The following CDH18 variants were observed in gnomAD, a reference collection of about 807,000 sequenced individuals.
CDH18 encodes the protein cadherin 18, also known as cadherin-18.
CDH18 carries 31 observed loss-of-function variants against 67.9 expected under a neutral mutation model. The ratio of observed to expected loss-of-function variants is 0.46; its 90% CI spans 0.34 to 0.62. The LOEUF (loss-of-function observed/expected upper bound fraction) is 0.62, where lower values mean the gene tolerates loss of function less well. CDH18 is among the 20% of genes least tolerant of loss of function. The pLI, the probability that CDH18 is intolerant of heterozygous loss-of-function variation, is 0.01. For missense variants in CDH18, 890 were observed against 975.5 expected (o/e 0.91, Z 1.17); for synonymous variants, 362 against 347.2 (o/e 1.04, Z -0.48).
intron 1 of CDH18, among the ~76,000 whole-genome samples, chr5:20,336,547 C>T (rs1411574657): frequency 6.6e-6 from 1 of 151,480 alleles, no homozygotes. Context: ...GTGTTGAAAC[C>T]CCGTCTATAC....
At chr5:20,500,156 T>C (rs914786003) in intron 1 of CDH18, among the ~76,000 whole-genome samples, 1 of 152,170 alleles carries the variant, frequency 6.6e-6, no homozygotes, top group Non-Finnish European at 1.5e-5. Context: ...ATAAACATTT[T>C]AATATCAAAT....
At chr5:19,517,383 G>A (rs529302045) in intron 10 of CDH18, among the ~76,000 whole-genome samples, 172 of 104,074 alleles carry the variant, frequency 1.7e-3, no homozygotes, top group African/African-American at 7.7e-3. Context: ...AAAGTCTGTA[G>A]TTTGTCTTTT....
intron 1 of CDH18, among the ~76,000 whole-genome samples, chr5:20,340,490 G>A (rs141677818): frequency 2.3e-4 from 35 of 152,292 alleles, no homozygotes; most frequent in African/African-American, 8.4e-4. Flanking sequence ...CTTTAAGAAG[G>A]ATTGTCCAGG....
chr5:20,319,447 A>G (rs989343070), intron 1 of CDH18, among the ~76,000 whole-genome samples: 17 of 152,126 alleles, frequency 1.1e-4, no homozygotes, highest in African/African-American at 4.1e-4. Flanking sequence ...GCCTCCCTGT[A>G]TTCGTTGCTT....
At chr5:20,553,297 C>T (rs956118161) in intron 1 of CDH18, among the ~76,000 whole-genome samples, 8 of 151,966 alleles carry the variant, frequency 5.3e-5, no homozygotes, top group South Asian at 4.2e-4. Flanking sequence ...TTTGGTGCTA[C>T]GTAGTCTTTC....
At chr5:20,471,853 C>CAAAAAAAAAAAAAAAAA in intron 1 of CDH18, among the ~76,000 whole-genome samples, 1 of 56,484 alleles carries the variant, frequency 1.8e-5, no homozygotes, top group African/African-American at 5.3e-5. Context: ...AAAAAAAAAG[C>CAAAAAAAAAAAAAAAAA]AAAAGCATTG....
chr5:20,282,532 G>T (rs1252414084), intron 1 of CDH18, among the ~76,000 whole-genome samples: 1 of 152,068 alleles, frequency 6.6e-6, no homozygotes, highest in Non-Finnish European at 1.5e-5. Context: ...ATTTGCATAT[G>T]TTGAACCAGC....
At chr5:19,722,552 A>G (rs1766248616) in intron 4 of CDH18, among the ~76,000 whole-genome samples, 1 of 150,944 alleles carries the variant, frequency 6.6e-6, no homozygotes, top group Non-Finnish European at 1.5e-5. Flanking sequence ...TTGCATAATT[A>G]GATACACCTA....
intron 1 of CDH18, among the ~76,000 whole-genome samples, chr5:20,330,376 A>G (rs1739053195): frequency 6.6e-6 from 1 of 152,118 alleles, no homozygotes; most frequent in Non-Finnish European, 1.5e-5. Flanking sequence ...TCAGGGGACC[A>G]TCAGGTGATG....
chr5:19,683,095 A>T (rs1342488375), intron 5 of CDH18, among the ~76,000 whole-genome samples: 1 of 141,196 alleles, frequency 7.1e-6, no homozygotes, highest in Non-Finnish European at 1.6e-5. Context: ...TCAAAGTTCA[A>T]CATATAACTC....
intron 1 of CDH18, among the ~76,000 whole-genome samples, chr5:20,401,630 A>G (rs964799856): frequency 2.0e-5 from 3 of 152,164 alleles, no homozygotes; most frequent in African/African-American, 7.2e-5. Flanking sequence ...TGATCAAATT[A>G]TAAAATAGAA....
intron 1 of CDH18, among the ~76,000 whole-genome samples, chr5:20,544,259 T>A (rs1156660694): frequency 1.3e-5 from 2 of 152,110 alleles, no homozygotes; most frequent in African/African-American, 2.4e-5. Flanking sequence ...ATTGCATGCA[T>A]GTGGGTTAAT....
chr5:20,074,133 C>G (rs182574450), intron 2 of CDH18, among the ~76,000 whole-genome samples: 3 of 152,118 alleles, frequency 2.0e-5, no homozygotes, highest in African/African-American at 4.8e-5. Flanking sequence ...TTATTAGGCT[C>G]TCTTTTTCAG....
intron 2 of CDH18, among the ~76,000 whole-genome samples, chr5:19,860,809 C>T (rs967092089): frequency 1.2e-4 from 18 of 151,832 alleles, no homozygotes; most frequent in African/African-American, 2.4e-4. Context: ...TACACATAAC[C>T]GAAAATATTC....
At chr5:20,266,541 T>G (rs2126649084) in intron 1 of CDH18, among the ~76,000 whole-genome samples, 1 of 150,642 alleles carries the variant, frequency 6.6e-6, no homozygotes, top group Non-Finnish European at 1.5e-5. Flanking sequence ...GTAGCTGGGA[T>G]TACAGGCACG....
chr5:20,000,871 T>G (rs1177465090), intron 2 of CDH18, among the ~76,000 whole-genome samples: 6 of 152,130 alleles, frequency 3.9e-5, no homozygotes, highest in Non-Finnish European at 8.8e-5. Flanking sequence ...TCTGAAGAGC[T>G]GATCAGAAAA....
rs374693207 is a variant in CDH18 at position 20,534,829 on chromosome 5, G to T, written c.-580+40633C>A. ...CTCTGTTAGTTTATTCTAAATACATGTATTTATTTATTTATTTATTTATTT... is the reference window on the plus strand; with the variant it reads ...CTCTGTTAGTTTATTCTAAATACATTTATTTATTTATTTATTTATTTATTT... On this transcript the variant is annotated intron_variant, in intron 1 of 14. Transcript: ENST00000507958. 4.7e-5 allele frequency among the ~76,000 whole-genome samples: 7 copies of T among 148,106 alleles called. No individual in the cohort carries two copies. In the South Asian group the frequency reaches 8.5e-4, roughly 18 times the overall value.
chr5:19,918,363 C>T (rs1414022237), intron 2 of CDH18, among the ~76,000 whole-genome samples: 2 of 152,136 alleles, frequency 1.3e-5, no homozygotes, highest in African/African-American at 2.4e-5. Context: ...CATCATCAGA[C>T]TTAATTATTT....
At chr5:19,982,871 C>T (rs1799190795) in intron 1 of CDH18, among the ~76,000 whole-genome samples, 1 of 151,780 alleles carries the variant, frequency 6.6e-6, no homozygotes, top group Admixed American at 6.6e-5. Flanking sequence ...GGTGAAACCC[C>T]ATCTCTACTA....
Sources: allele counts gnomAD v4.1 joint callset (sites outside exome capture counted in the v4.1 genomes callset), GRCh38; gene constraint gnomAD v4.1.1; transcripts MANE v1.5; gene names NCBI Gene and HGNC (gene_info 2026-07-23, HGNC 2026-07-21).